The following ADAMTS16 variants were observed in gnomAD, a reference collection of about 807,000 sequenced individuals.
ADAMTS16 encodes the protein A disintegrin and metalloproteinase with thrombospondin motifs 16.
Under a neutral mutation model 145.8 loss-of-function variants are expected in ADAMTS16, and 94 were observed. The ratio of observed to expected loss-of-function variants is 0.64; its 90% confidence interval spans 0.55 to 0.77. The LOEUF (loss-of-function observed/expected upper bound fraction) is 0.77. ADAMTS16 is among the 30% of genes least tolerant of loss of function. ADAMTS16 has a pLI of 0.00. For missense variants in ADAMTS16, 1,585 were observed against 1,591.5 expected, an observed-to-expected ratio of 1.00 and a Z score of 0.07; for synonymous variants, 659 against 604.3, an observed-to-expected ratio of 1.09 and a Z score of -1.33.
chr5:5,164,699 C>T lies in ADAMTS16; in HGVS notation c.502-17345C>T, dbSNP rs539106397. On this transcript the variant is annotated intron_variant, in intron 3 of 22. Transcript: ENST00000274181. ...TTCCTTTTTTTCTTTTTTCTTGAGA[C>T]AGAGTCTCACTCTGTCACCCAGGCT... is the stretch of plus-strand genomic sequence containing the variant. Among the ~76,000 whole-genome samples the T allele has an allele frequency of 2.0e-4, 31 of 152,106 alleles. 1 individual carries two copies. Among genetic ancestry groups the T allele is most frequent in the African/African-American group, 6.5e-4 (27 of 41,484 alleles).
In ADAMTS16 at chr5:5,206,932, A is replaced by G. The variant is rs1315560970; in HGVS notation, c.1452-2161A>G. Among the ~76,000 whole-genome samples the G allele has an allele frequency of 2.0e-5, 3 of 152,304 alleles. No individual in the cohort carries two copies. The East Asian group carries it at 5.8e-4, about 29-fold the overall frequency. On this transcript the variant is annotated intron_variant, in intron 9 of 22. Transcript: ENST00000274181. ...ATTATTGGCCTTTCTATACTGTTCC[A>G]CTGATCTATTTGTCCATTCTTTGTA... is the stretch of plus-strand genomic sequence containing the variant.
intron 3 of ADAMTS16, among the ~76,000 whole-genome samples, chr5:5,160,757 C>CAAAAAA (rs35314305): frequency 7.0e-6 from 1 of 143,188 alleles, no homozygotes; most frequent in Non-Finnish European, 1.5e-5. Context: ...AAAAATATAC[C>CAAAAAA]AAAAAAAAAA....
chr5:5,206,608 T>C (rs1178809310), intron 9 of ADAMTS16, among the ~76,000 whole-genome samples: 1 of 151,184 alleles, frequency 6.6e-6, no homozygotes, highest in Non-Finnish European at 1.5e-5. Flanking sequence ...GCCTCCTGAG[T>C]AGCTGGGATT....
chr5:5,158,619 A>G lies in ADAMTS16; in HGVS notation c.501+12164A>G, dbSNP rs369303528. Among the ~76,000 whole-genome samples the G allele has an allele frequency of 3.3e-5, 5 of 152,322 alleles. No individual in the cohort carries two copies. In the South Asian group the frequency reaches 8.3e-4, roughly 25 times the overall value. ...ATGTGGGTGATCTCAGGAAAGGCCA[A>G]TTGGAGGTGAGCACTTTTCAGTCCT... On this transcript the variant is annotated intron_variant, in intron 3 of 22. Coordinates refer to ENST00000274181, the MANE Select transcript of ADAMTS16 (RefSeq NM_139056.4).
intron 18 of ADAMTS16, among the ~76,000 whole-genome samples, chr5:5,289,743 C>G (rs982911578): frequency 6.6e-6 from 1 of 152,210 alleles, no homozygotes; most frequent in Non-Finnish European, 1.5e-5. Context: ...TATTCATGTA[C>G]ATGGGGTTTC....
chr5:5,303,509 C>T (rs762705229), intron 19 of ADAMTS16, 40 bp downstream of exon 19: 4 of 1,607,836 alleles, frequency 2.5e-6, no homozygotes, highest in Admixed American at 3.3e-5. Flanking sequence ...AGCAGGGCCC[C>T]TGCATGATCT....
chr5:5,150,354 C>T (rs1382038196), intron 3 of ADAMTS16, among the ~76,000 whole-genome samples: 3 of 152,214 alleles, frequency 2.0e-5, no homozygotes, highest in Non-Finnish European at 2.9e-5. Flanking sequence ...CCCCCACACA[C>T]AAGTTACATG....
chr5:5,160,224 T>C (rs1399117020), intron 3 of ADAMTS16, among the ~76,000 whole-genome samples: 1 of 152,230 alleles, frequency 6.6e-6, no homozygotes, highest in Non-Finnish European at 1.5e-5. Context: ...CCAAATTTAA[T>C]GTAGCCTTAT....
chr5:5,158,256 T>A (rs111610218), intron 3 of ADAMTS16, among the ~76,000 whole-genome samples: 1 of 152,194 alleles, frequency 6.6e-6, no homozygotes, highest in Non-Finnish European at 1.5e-5. Flanking sequence ...ACCATGATTG[T>A]TACGATTCCT....
chr5:5,141,123 T>C (rs270203), intron 2 of ADAMTS16, among the ~76,000 whole-genome samples: 124,169 of 152,058 alleles, frequency 0.82, 51,038 homozygotes, highest in Middle Eastern at 0.91. Flanking sequence ...TCCGTCCCCT[T>C]CTACATCCTC....
intron 18 of ADAMTS16, among the ~76,000 whole-genome samples, chr5:5,263,603 G>A (rs1035167171): frequency 6.6e-6 from 1 of 152,208 alleles, no homozygotes; most frequent in African/African-American, 2.4e-5. Flanking sequence ...GAAGACACAG[G>A]AGCAAGCTCT....
At chr5:5,298,903 A>G (rs1010830663) in intron 18 of ADAMTS16, among the ~76,000 whole-genome samples, 14 of 152,214 alleles carry the variant, frequency 9.2e-5, no homozygotes, top group Non-Finnish European at 1.5e-4. Flanking sequence ...TTAATTTAGA[A>G]CAGCCTACTG....
chr5:5,162,786 AGAGG>A (rs1734776891), intron 3 of ADAMTS16, among the ~76,000 whole-genome samples: 1 of 151,238 alleles, frequency 6.6e-6, no homozygotes, highest in African/African-American at 2.4e-5. Flanking sequence ...AGAGGAGAGG[AGAGG>A]AAGAGAGAAT....
intron 18 of ADAMTS16, among the ~76,000 whole-genome samples, chr5:5,292,518 A>C: frequency 6.6e-6 from 1 of 150,870 alleles, no homozygotes; most frequent in African/African-American, 2.4e-5. Context: ...AATAATAATA[A>C]TAATAATAAT....
At chr5:5,188,425 G>C (rs1447184073) in intron 6 of ADAMTS16, among the ~76,000 whole-genome samples, 1 of 152,202 alleles carries the variant, frequency 6.6e-6, no homozygotes, top group Non-Finnish European at 1.5e-5. Flanking sequence ...TAAATGCATA[G>C]AGGTGGTCCC....
chr5:5,181,508 GA>G (rs1735338296), intron 3 of ADAMTS16, among the ~76,000 whole-genome samples: 2 of 152,068 alleles, frequency 1.3e-5, no homozygotes, highest in Non-Finnish European at 2.9e-5. Context: ...AAACCTTCCT[GA>G]TTCCCTAAGA....
intron 18 of ADAMTS16, among the ~76,000 whole-genome samples, chr5:5,266,346 T>G (rs1738238781): frequency 6.6e-6 from 1 of 152,104 alleles, no homozygotes; most frequent in Non-Finnish European, 1.5e-5. Context: ...AAGAGGCCCC[T>G]TTGCATCTGC....
intron 2 of ADAMTS16, among the ~76,000 whole-genome samples, chr5:5,145,635 A>G (rs2126501601): frequency 6.6e-6 from 1 of 152,338 alleles, no homozygotes; most frequent in South Asian, 2.1e-4. Flanking sequence ...AAGGACGAAT[A>G]TTTTCTCTCT....
intron 9 of ADAMTS16, among the ~76,000 whole-genome samples, chr5:5,207,879 T>C (rs756229487): frequency 2.0e-5 from 3 of 152,166 alleles, no homozygotes; most frequent in Admixed American, 6.5e-5. Flanking sequence ...TTAATCCCAC[T>C]TGGTCATAGT....
Sources: gnomAD v4.1 joint callset for allele counts (sites outside exome capture counted in the v4.1 genomes callset) on GRCh38, gnomAD v4.1.1 for gene constraint, MANE v1.5 for transcripts, NCBI Gene and HGNC (gene_info 2026-07-23, HGNC 2026-07-21) for gene names.